The following TMEM123 variants were observed in gnomAD, a reference collection of about 807,000 sequenced individuals.
TMEM123 encodes the protein porimin.
TMEM123 carries 16 observed loss-of-function variants against 19.7 expected under a neutral mutation model. The observed-to-expected ratio is 0.81, with a 90% CI of 0.55 to 1.23. The LOEUF is 1.23. TMEM123 is among the 50% of genes most tolerant of loss of function. TMEM123 has a pLI of 0.00. For missense variants in TMEM123, 313 were observed against 257.8 expected, an observed-to-expected ratio of 1.21 and a Z score of -1.47; for synonymous variants, 118 against 99.4, an observed-to-expected ratio of 1.19 and a Z score of -1.12.
intron 2 of TMEM123, among the ~76,000 whole-genome samples, chr11:102,440,129 G>A (rs1399142844): frequency 6.6e-6 from 1 of 152,138 alleles, no homozygotes; most frequent in Non-Finnish European, 1.5e-5. Flanking sequence ...CACTCTTCAG[G>A]ATATTATCCA....
At chr11:102,439,711 G>C (rs1281653845) in intron 2 of TMEM123, among the ~76,000 whole-genome samples, 1 of 152,248 alleles carries the variant, frequency 6.6e-6, no homozygotes, top group South Asian at 2.1e-4. Flanking sequence ...TTGACGAGTT[G>C]AGAGAAGAAG....
intron 2 of TMEM123, among the ~76,000 whole-genome samples, chr11:102,425,929 ATCTGCAC>A (rs1303405209): frequency 6.6e-6 from 1 of 152,172 alleles, no homozygotes; most frequent in African/African-American, 2.4e-5. Flanking sequence ...CACTTACATT[ATCTGCAC>A]CTTTATTATT....
intron 2 of TMEM123, among the ~76,000 whole-genome samples, chr11:102,426,859 T>TGGGGGGG: frequency 2.4e-4 from 1 of 4,142 alleles, no homozygotes; most frequent in East Asian, 0.042. Flanking sequence ...TTAAAGTAGT[T>TGGGGGGG]CCCCCCCCCC....
intron 2 of TMEM123, among the ~76,000 whole-genome samples, chr11:102,418,828 A>T (rs944563297): frequency 6.6e-6 from 1 of 152,248 alleles, no homozygotes; most frequent in African/African-American, 2.4e-5. Context: ...CTACACAGCC[A>T]TAAAAAGGAA....
At chr11:102,414,366 C>T (rs1565349680) in intron 2 of TMEM123, among the ~76,000 whole-genome samples, 1 of 152,056 alleles carries the variant, frequency 6.6e-6, no homozygotes, top group Non-Finnish European at 1.5e-5. Context: ...TGCAAGATAC[C>T]ATACAAGACA....
intron 1 of TMEM123, 28 bp downstream of exon 1, chr11:102,452,496 G>A (rs1286879795): frequency 2.1e-6 from 3 of 1,452,898 alleles, no homozygotes; most frequent in South Asian, 1.3e-5. Context: ...TCCCACGAAC[G>A]GGGCTGACGA....
chr11:102,410,893 A>G (rs1951998592), intron 2 of TMEM123, among the ~76,000 whole-genome samples: 1 of 152,220 alleles, frequency 6.6e-6, no homozygotes, highest in Non-Finnish European at 1.5e-5. Context: ...TTTCCTTTCT[A>G]TCGAACACCT....
At chr11:102,442,822 T>C (rs951698275) in intron 2 of TMEM123, among the ~76,000 whole-genome samples, 1 of 152,228 alleles carries the variant, frequency 6.6e-6, no homozygotes, top group Non-Finnish European at 1.5e-5. Flanking sequence ...CAAATCTCCT[T>C]AAGCTGATAA....
chr11:102,426,988 G>C (rs553908902), intron 2 of TMEM123, among the ~76,000 whole-genome samples: 1 of 149,022 alleles, frequency 6.7e-6, no homozygotes, highest in African/African-American at 2.5e-5. Flanking sequence ...CCAAATTGAA[G>C]TTTTCTAACT....
At chr11:102,403,986 T>C (rs920260419) in intron 2 of TMEM123, among the ~76,000 whole-genome samples, 1 of 152,190 alleles carries the variant, frequency 6.6e-6, no homozygotes, top group African/African-American at 2.4e-5. Context: ...CTGCAGAACC[T>C]TGAGCTAAAT....
chr11:102,449,572 C>T (rs1342191407), intron 1 of TMEM123: 1 of 151,882 alleles, frequency 6.6e-6, no homozygotes, highest in Admixed American at 6.6e-5. Context: ...CCTCCAAGTA[C>T]AAAGAAAAGC....
chr11:102,430,959 A>T (rs1411054266), intron 2 of TMEM123, among the ~76,000 whole-genome samples: 5 of 152,210 alleles, frequency 3.3e-5, no homozygotes, highest in African/African-American at 1.2e-4. Context: ...ACCAAATTCA[A>T]TGTGGGGTGA....
chr11:102,419,595 T>C (rs1028761964), intron 2 of TMEM123, among the ~76,000 whole-genome samples: 6 of 152,194 alleles, frequency 3.9e-5, no homozygotes, highest in Non-Finnish European at 8.8e-5. Context: ...CTTTTAAAAG[T>C]CAGTATATTC....
intron 2 of TMEM123, among the ~76,000 whole-genome samples, chr11:102,409,906 A>G (rs1038206837): frequency 6.6e-6 from 1 of 152,082 alleles, no homozygotes; most frequent in Non-Finnish European, 1.5e-5. Flanking sequence ...TCAAAAAAAA[A>G]AAAAATCTAA....
chr11:102,452,361 A>G, intron 1 of TMEM123, 163 bp downstream of exon 1: 1 of 515,556 alleles, frequency 1.9e-6, no homozygotes, highest in Non-Finnish European at 3.1e-6. Flanking sequence ...TGACTGGTCC[A>G]AACCTCAGTT....
At chr11:102,399,263 G>T (rs1951888836) in intron 4 of TMEM123, among the ~76,000 whole-genome samples, 1 of 152,176 alleles carries the variant, frequency 6.6e-6, no homozygotes, top group African/African-American at 2.4e-5. Context: ...GGGCAAAACA[G>T]TGAGACTACC....
intron 2 of TMEM123, among the ~76,000 whole-genome samples, chr11:102,407,805 A>G (rs1329628520): frequency 6.6e-6 from 1 of 152,148 alleles, no homozygotes; most frequent in East Asian, 1.9e-4. Flanking sequence ...AAACACCTTC[A>G]CCTCTGACTC....
intron 2 of TMEM123, among the ~76,000 whole-genome samples, chr11:102,425,124 A>G (rs1952115553): frequency 6.6e-6 from 1 of 152,378 alleles, no homozygotes; most frequent in Non-Finnish European, 1.5e-5. Flanking sequence ...GCACCCAGGA[A>G]TATCAGAAAG....
chr11:102,451,024 CTGGT>C (rs1248308306), intron 1 of TMEM123, among the ~76,000 whole-genome samples: 2 of 152,202 alleles, frequency 1.3e-5, no homozygotes, highest in African/African-American at 2.4e-5. Context: ...GATTCCACCT[CTGGT>C]TGGTTATACT....
Sources: allele counts gnomAD v4.1 joint callset (sites outside exome capture counted in the v4.1 genomes callset), GRCh38; gene constraint gnomAD v4.1.1; transcripts MANE v1.5; gene names NCBI Gene and HGNC (gene_info 2026-07-23, HGNC 2026-07-21).